Variants in CELF2 observed in about 807,000 individuals in gnomAD.
CELF2 encodes CUG triplet repeat RNA-binding protein 2.
Under a neutral mutation model 62.6 loss-of-function variants are expected in CELF2, and 8 were observed. The observed-to-expected ratio is 0.13, with a 90% CI of 0.07 to 0.23. The LOEUF is 0.23. CELF2 is among the 10% of genes least tolerant of loss of function. CELF2 has a pLI of 1.00. For synonymous variants in CELF2, 258 were observed against 250.0 expected (o/e 1.03, Z -0.30); for missense variants, 333 against 671.0 (o/e 0.50, Z 5.56).
chr10:10,676,938 A>G, the CELF2 span, among the ~76,000 whole-genome samples: 1 of 152,226 alleles, frequency 6.6e-6, no homozygotes, highest in South Asian at 2.1e-4. Context: ...ACCTGTCTTT[A>G]CAATCATTCA....
At chr10:10,918,706 A>T (rs929997129) in intron 1 of CELF2, among the ~76,000 whole-genome samples, 1 of 152,190 alleles carries the variant, frequency 6.6e-6, no homozygotes, top group African/African-American at 2.4e-5. Flanking sequence ...TGGATTCAGG[A>T]GGTCAATGAA....
intron 1 of CELF2, among the ~76,000 whole-genome samples, chr10:11,059,818 A>G (rs2066278464): frequency 6.6e-6 from 1 of 152,190 alleles, no homozygotes; most frequent in African/African-American, 2.4e-5. Context: ...TTTGTTGAAT[A>G]TCTGAAATCC....
chr10:10,537,546 C>T, the CELF2 span, among the ~76,000 whole-genome samples: 1 of 152,074 alleles, frequency 6.6e-6, no homozygotes, highest in Non-Finnish European at 1.5e-5. Flanking sequence ...ATCCACTTAC[C>T]TTAAAAAATA....
intron 1 of CELF2, chr10:10,919,918 C>A: frequency 2.5e-6 from 3 of 1,186,680 alleles, no homozygotes; most frequent in Non-Finnish European, 3.2e-6. Flanking sequence ...CATAATTCAC[C>A]AAAATAAACT....
rs577188785 is a variant in CELF2 at position 11,008,865 on chromosome 10, T to C, written c.53+3425T>C. 3.3e-5 allele frequency among the ~76,000 whole-genome samples: 5 copies of C among 152,158 alleles called. No individual in the cohort carries two copies. Among genetic ancestry groups the C allele is most frequent in the South Asian group, 2.1e-4 (1 of 4,812 alleles). On this transcript the variant is annotated intron_variant, in intron 1 of 12. Transcript: ENST00000416382. This position sits in a 1 kb window ranked among gnomAD's most constrained non-coding sequence, Gnocchi z 4.5. ...GAATGCAGTTTGTTTTGTGGCATCA[T>C]CTTCTTTGTGGCATTGATCTGTACT...
At chr10:10,808,640 C>G (rs1411337194) in intron 1 of CELF2, among the ~76,000 whole-genome samples, 1 of 152,106 alleles carries the variant, frequency 6.6e-6, no homozygotes, top group Admixed American at 6.5e-5. Flanking sequence ...AAAGTAAATA[C>G]AGGAGGTAAG....
At chr10:10,796,489 T>C (rs2131407644), upstream of CELF2, among the ~76,000 whole-genome samples, 1 of 152,370 alleles carries the variant, frequency 6.6e-6, no homozygotes, top group East Asian at 1.9e-4. Context: ...TTTGTCCTTT[T>C]GTCCTTTGGC....
At chr10:10,802,444 T>G (rs7912961) in intron 1 of CELF2, among the ~76,000 whole-genome samples, 41,368 of 152,064 alleles carry the variant, frequency 0.27, 6,244 homozygotes, top group East Asian at 0.43. Context: ...CACTCCAGCC[T>G]GGGTGACAGA....
the CELF2 span, among the ~76,000 whole-genome samples, chr10:10,466,864 T>C: frequency 6.6e-6 from 1 of 152,110 alleles, no homozygotes; most frequent in Admixed American, 6.6e-5. Flanking sequence ...TCTAATATTT[T>C]GTCCAATTTT....
the CELF2 span, among the ~76,000 whole-genome samples, chr10:10,731,295 A>G: frequency 4.6e-5 from 7 of 152,126 alleles, no homozygotes; most frequent in South Asian, 1.5e-3. Flanking sequence ...AATTTTATTC[A>G]TTGCCCATTT....
the CELF2 span, among the ~76,000 whole-genome samples, chr10:10,473,199 C>G: frequency 6.6e-6 from 1 of 151,928 alleles, no homozygotes; most frequent in Non-Finnish European, 1.5e-5. Context: ...TCCAATCAGA[C>G]TGGTGTTTTA....
At chr10:10,792,340 G>C in the CELF2 span, 4 of 398,174 alleles carry the variant, frequency 1.0e-5, no homozygotes, top group Non-Finnish European at 1.8e-5. Context: ...TTTTGTGGGG[G>C]AGTGGGGAGT....
intron 1 of CELF2, among the ~76,000 whole-genome samples, chr10:11,031,558 T>G (rs915831342): frequency 1.3e-5 from 2 of 152,210 alleles, no homozygotes; most frequent in Admixed American, 6.5e-5. Context: ...TACTGAACAT[T>G]AGCTTGTCGA....
At chr10:11,199,962 C>T (rs1415433692) in intron 2 of CELF2, among the ~76,000 whole-genome samples, 2 of 152,174 alleles carry the variant, frequency 1.3e-5, no homozygotes, top group African/African-American at 4.8e-5. Flanking sequence ...GCATTGATGT[C>T]ACAAAACTGG....
At chr10:11,038,685 T>A (rs1039146838) in intron 1 of CELF2, among the ~76,000 whole-genome samples, 6 of 152,198 alleles carry the variant, frequency 3.9e-5, no homozygotes, top group African/African-American at 1.4e-4. Flanking sequence ...ATTACACATA[T>A]ATATTTATAA....
At chr10:10,920,496 ATACT>A (rs1394534768) in intron 2 of CELF2, among the ~76,000 whole-genome samples, 2 of 152,202 alleles carry the variant, frequency 1.3e-5, no homozygotes, top group African/African-American at 2.4e-5. Context: ...ATCAAAATAA[ATACT>A]TAGTAATATT....
chr10:11,318,694 A>C lies in CELF2; in HGVS notation c.1097-2495A>C, dbSNP rs555193868. On this transcript the variant is annotated intron_variant, in intron 10 of 12. Coordinates refer to ENST00000633077, the MANE Select transcript of CELF2 (RefSeq NM_001326342.2). The surrounding 1 kb of genome is among the most constrained non-coding windows in gnomAD (Gnocchi z 5.4). ...TTCTGCTTCTGCATTGTAAGAGAGAAACATTTTTGGCAAAAAGGAGAAAGA... is the reference window on the plus strand; with the variant it reads ...TTCTGCTTCTGCATTGTAAGAGAGACACATTTTTGGCAAAAAGGAGAAAGA... 2.2e-6 allele frequency: 1 copy of C among 448,540 alleles called. No individual in the cohort carries two copies. The highest frequency in any genetic ancestry group is 1.6e-5 in the South Asian group (1 of 60,628). 27.8% of individuals were successfully genotyped at this position (448,540 alleles called of 1,614,324 possible).
At chr10:10,770,631 A>G in the CELF2 span, among the ~76,000 whole-genome samples, 1 of 152,094 alleles carries the variant, frequency 6.6e-6, no homozygotes, top group Admixed American at 6.5e-5. Flanking sequence ...TCTTAACTGC[A>G]CAGAGCCCCC....
At chr10:11,127,972 A>G (rs999938806) in intron 1 of CELF2, among the ~76,000 whole-genome samples, 1 of 152,150 alleles carries the variant, frequency 6.6e-6, no homozygotes, top group Non-Finnish European at 1.5e-5. Flanking sequence ...TATATCCTGA[A>G]TGTATTGCCT....
Sources: gnomAD v4.1 joint callset for allele counts (sites outside exome capture counted in the v4.1 genomes callset) on GRCh38, gnomAD v4.1.1 for gene constraint, Gnocchi (gnomAD v3.1) non-coding constraint, MANE v1.5 for transcripts, NCBI Gene and HGNC (gene_info 2026-07-23, HGNC 2026-07-21) for gene names.